ST18: variants seen among roughly 807,000 people sequenced by gnomAD.
The protein encoded by ST18 is suppression of tumorigenicity 18 protein.
A neutral mutation model predicts 110.0 loss-of-function variants in ST18; 50 were observed. That is an observed-to-expected ratio of 0.45 (90% CI 0.36 to 0.58). ST18 has a LOEUF of 0.58. Among genes scored for constraint, ST18 ranks in the 20% least tolerant of loss-of-function variants. ST18 has a pLI of 0.00. For synonymous variants in ST18, 461 were observed against 452.4 expected, an observed-to-expected ratio of 1.02 and a Z score of -0.24; for missense variants, 1,306 against 1,280.1, an observed-to-expected ratio of 1.02 and a Z score of -0.31.
intron 17 of ST18, among the ~76,000 whole-genome samples, chr8:52,141,553 G>C (rs989349831): frequency 2.0e-5 from 3 of 152,198 alleles, no homozygotes; most frequent in Non-Finnish European, 2.9e-5. Flanking sequence ...AGAAAATAGA[G>C]AGTGGAGGGA....
At chr8:52,132,304 A>G (rs2049990306) in intron 21 of ST18, 125 bp from the exon 22 acceptor site, 2 of 797,014 alleles carry the variant, frequency 2.5e-6, no homozygotes, top group Non-Finnish European at 3.9e-6. Flanking sequence ...GCAAAACAGC[A>G]TTGCATAAAC....
chr8:52,117,281 G>C (rs945063692), intron 24 of ST18, among the ~76,000 whole-genome samples: 1 of 152,150 alleles, frequency 6.6e-6, no homozygotes, highest in African/African-American at 2.4e-5. Context: ...CTCCATACTT[G>C]TTTGGCTAAC....
intron 2 of ST18, among the ~76,000 whole-genome samples, chr8:52,391,058 C>A (rs1252663063): frequency 6.6e-6 from 1 of 152,132 alleles, no homozygotes; most frequent in African/African-American, 2.4e-5. Context: ...TACCCAGGAC[C>A]AGCCTCTGTC....
rs199737321 is a variant in ST18 at position 52,235,297 on chromosome 8, T to A, written c.-464-5220A>T. ...CCTGCCCCACACCTGGTCTCCGAGT[T>A]CCCACAGGAAACCACGCCTGCTCCT... On this transcript the variant is annotated intron_variant, in intron 2 of 25. Coordinates refer to ENST00000689386, the MANE Select transcript of ST18 (RefSeq NM_001352837.2). Among the ~76,000 whole-genome samples the A allele has an allele frequency of 2.0e-5, 3 of 152,146 alleles. No individual in the cohort carries two copies. The East Asian group carries it at 5.8e-4, about 29-fold the overall frequency.
chr8:52,168,338 G>A (rs575011715), intron 10 of ST18, among the ~76,000 whole-genome samples: 67 of 151,280 alleles, frequency 4.4e-4, no homozygotes, highest in African/African-American at 1.4e-3. Flanking sequence ...GCGAGGGTGC[G>A]GAGCCTCGTG....
At chr8:52,185,553 TA>T (rs1489674992) in intron 8 of ST18, among the ~76,000 whole-genome samples, 1 of 152,114 alleles carries the variant, frequency 6.6e-6, no homozygotes, top group Non-Finnish European at 1.5e-5. Flanking sequence ...TGAGATGAGG[TA>T]TTATTGGTGC....
chr8:52,198,832 T>C (rs746229162), intron 8 of ST18, among the ~76,000 whole-genome samples: 32 of 152,160 alleles, frequency 2.1e-4, no homozygotes, highest in Admixed American at 1.6e-3. Context: ...GCTCCACATA[T>C]CACTTTCTGT....
At chr8:52,388,591 T>C (rs1011804174) in intron 2 of ST18, among the ~76,000 whole-genome samples, 1 of 151,856 alleles carries the variant, frequency 6.6e-6, no homozygotes, top group Non-Finnish European at 1.5e-5. Flanking sequence ...AGGGTGCTTG[T>C]TGAGTGATTT....
intron 6 of ST18, among the ~76,000 whole-genome samples, chr8:52,214,540 T>C (rs2083426236): frequency 6.6e-6 from 1 of 152,096 alleles, no homozygotes; most frequent in Non-Finnish European, 1.5e-5. Flanking sequence ...ATTACAAAGA[T>C]AGAAAAAGGC....
Position 52,368,801 on chromosome 8 carries a change from G to A in ST18, c.-465+40527C>T, listed in dbSNP as rs144150057. 8.8e-3 allele frequency among the ~76,000 whole-genome samples: 1,344 copies of A among 152,302 alleles called. 12 individuals are homozygous for A. The highest frequency in any genetic ancestry group is 0.015 in the South Asian group (70 of 4,824). ...GATGAATACACTGATCGATGAAAGA[G>A]TAGTTAAAATATCCTTAGGATAAAT... On this transcript the variant is annotated intron_variant, in intron 2 of 25. Transcript: ENST00000689386.
intron 17 of ST18, among the ~76,000 whole-genome samples, chr8:52,138,319 AT>A (rs2053347768): frequency 6.6e-6 from 1 of 152,182 alleles, no homozygotes; most frequent in Admixed American, 6.5e-5. Context: ...AGCGAAGACA[AT>A]TGCTAATTCA....
intron 8 of ST18, among the ~76,000 whole-genome samples, chr8:52,191,570 T>C (rs2074500635): frequency 6.6e-6 from 1 of 152,158 alleles, no homozygotes; most frequent in Non-Finnish European, 1.5e-5. Flanking sequence ...TGTGCAGGCT[T>C]CTGAATAACA....
At chr8:52,269,975 AC>A (rs1408098308) in intron 2 of ST18, among the ~76,000 whole-genome samples, 1 of 152,060 alleles carries the variant, frequency 6.6e-6, no homozygotes, top group African/African-American at 2.4e-5. Flanking sequence ...TTAAAAAACA[AC>A]TTGTGTTAAT....
intron 2 of ST18, among the ~76,000 whole-genome samples, chr8:52,316,373 C>A (rs1226447256): frequency 7.2e-5 from 11 of 152,200 alleles, no homozygotes; most frequent in Non-Finnish European, 1.5e-4. Context: ...GCTCCCCCAG[C>A]AGCAATGAGA....
At chr8:52,169,590 T>C (rs990903274) in intron 10 of ST18, among the ~76,000 whole-genome samples, 1 of 152,094 alleles carries the variant, frequency 6.6e-6, no homozygotes, top group East Asian at 1.9e-4. Context: ...GGAGGTTAGG[T>C]TGGTATTTTG....
intron 2 of ST18, among the ~76,000 whole-genome samples, chr8:52,382,965 C>A (rs901603500): frequency 2.6e-4 from 39 of 152,104 alleles, no homozygotes; most frequent in African/African-American, 9.4e-4. Context: ...TCTGGTAACA[C>A]AAGGTGCACG....
intron 2 of ST18, among the ~76,000 whole-genome samples, chr8:52,377,476 C>T (rs1472291303): frequency 6.6e-6 from 1 of 152,154 alleles, no homozygotes; most frequent in East Asian, 1.9e-4. Context: ...GAGGGTAGTT[C>T]AGCCTTAGAA....
At chr8:52,277,365 C>T (rs761476359) in intron 2 of ST18, among the ~76,000 whole-genome samples, 7 of 152,296 alleles carry the variant, frequency 4.6e-5, no homozygotes, top group Non-Finnish European at 8.8e-5. Flanking sequence ...GCCCCTGAAC[C>T]GTGGAAATCA....
In ST18 at chr8:52,272,693, C is replaced by A. The variant is rs577336718; in HGVS notation, c.-464-42616G>T. ...CTCAGGAAAATTAAGAATAGAACTA[C>A]CATATGATCCAGCAATCCATCTTCT... On this transcript the variant is annotated intron_variant, in intron 2 of 25. Coordinates refer to ENST00000689386, the MANE Select transcript of ST18 (RefSeq NM_001352837.2). 5.3e-5 allele frequency among the ~76,000 whole-genome samples: 8 copies of A among 152,268 alleles called. No homozygotes were observed. In the East Asian group the frequency reaches 1.5e-3, roughly 29 times the overall value.
Sources: gnomAD v4.1 joint callset for allele counts (sites outside exome capture counted in the v4.1 genomes callset) on GRCh38, gnomAD v4.1.1 for gene constraint, MANE v1.5 for transcripts, NCBI Gene and HGNC (gene_info 2026-07-23, HGNC 2026-07-21) for gene names.